The following ABCD2 variants were observed in gnomAD, a reference collection of about 807,000 sequenced individuals.
ABCD2 encodes ATP binding cassette subfamily D member 2, also known as ATP-binding cassette sub-family D member 2.
Under a neutral mutation model 70.9 loss-of-function variants are expected in ABCD2, and 36 were observed. The ratio of observed to expected loss-of-function variants is 0.51; its 90% confidence interval spans 0.39 to 0.67. ABCD2 has a LOEUF of 0.67. ABCD2 is among the 30% of genes least tolerant of loss of function. The pLI is 0.00. For synonymous variants in ABCD2, 304 were observed against 306.9 expected, an observed-to-expected ratio of 0.99 and a Z score of 0.10; for missense variants, 729 against 890.2, an observed-to-expected ratio of 0.82 and a Z score of 2.30.
the ABCD2 span, among the ~76,000 whole-genome samples, chr12:39,537,793 T>C: frequency 1.3e-5 from 2 of 152,238 alleles, no homozygotes; most frequent in African/African-American, 2.4e-5. Context: ...TCCAACCTAT[T>C]GGTAGACCAG....
chr12:39,538,334 AT>A, the ABCD2 span, among the ~76,000 whole-genome samples: 1 of 149,620 alleles, frequency 6.7e-6, no homozygotes. Flanking sequence ...ATGCCTGGAT[AT>A]TTTTTTTATT....
chr12:39,555,002 G>A (rs760398875), intron 9 of ABCD2, among the ~76,000 whole-genome samples: 1 of 151,812 alleles, frequency 6.6e-6, no homozygotes, highest in African/African-American at 2.4e-5. Context: ...ATGATCGGTG[G>A]GCTTTTTTCA....
intron 2 of ABCD2, among the ~76,000 whole-genome samples, chr12:39,613,750 T>TA (rs1942079003): frequency 6.6e-6 from 1 of 152,244 alleles, no homozygotes. Context: ...GCTGGGGCTC[T>TA]AGACCAGATG....
Position 39,604,831 on chromosome 12 carries a change from C to A in ABCD2, c.1336G>T (p.Glu446Ter), listed in dbSNP as rs373930149. The change falls in exon 4 of 10, where the codon GAA becomes TAA. Residue 446 changes from glutamate (E) to a stop codon, truncating the protein, a stop_gained. Coordinates refer to ENST00000308666, the MANE Select transcript of ABCD2 (RefSeq NM_005164.4). LOFTEE classifies it high-confidence loss of function. ...GIYKRTAVIQ[E>*]SESHSKNGAK... ...CCATTCTTGCTATGGCTTTCAGATT[C>A]TTGAATGACAGCAGTTCTCTTATAA... 2 of 1,612,298 alleles carry A rather than the reference C, an allele frequency of 1.2e-6. No individual in the cohort carries two copies. Among genetic ancestry groups the A allele is most frequent in the African/African-American group, 1.3e-5 (1 of 74,830 alleles).
chr12:39,557,963 T>C (rs924300167), intron 9 of ABCD2, among the ~76,000 whole-genome samples: 14 of 152,194 alleles, frequency 9.2e-5, no homozygotes, highest in Admixed American at 5.9e-4. Flanking sequence ...CATTGCCTAG[T>C]GGAGCTGTGA....
At chr12:39,535,646 GAAA>G in the ABCD2 span, among the ~76,000 whole-genome samples, 1 of 152,074 alleles carries the variant, frequency 6.6e-6, no homozygotes, top group African/African-American at 2.4e-5. Context: ...TCAACGAATT[GAAA>G]TTTGTCTGTA....
chr12:39,582,390 TTAAATAATGATATATG>T lies in ABCD2; in HGVS notation c.1793-2787_1793-2772del, dbSNP rs1333725811. ...CTACATCATTGGACTATTATGGATA[TTAAATAATGATATATG>T]TAAATTCCACATAGTAAGCACTCAA... On this transcript the variant is annotated intron_variant, in intron 7 of 9. Transcript: ENST00000308666. 2.0e-5 allele frequency among the ~76,000 whole-genome samples: 3 copies of T among 152,204 alleles called. No homozygotes were observed. The East Asian group carries it at 5.8e-4, about 29-fold the overall frequency.
intron 9 of ABCD2, among the ~76,000 whole-genome samples, chr12:39,572,058 A>G (rs1731553978): frequency 6.6e-6 from 1 of 152,218 alleles, no homozygotes; most frequent in African/African-American, 2.4e-5. Flanking sequence ...GGGTAGCTGC[A>G]ATTAAAAATG....
intron 6 of ABCD2, among the ~76,000 whole-genome samples, chr12:39,588,191 A>G (rs1941692318): frequency 1.3e-5 from 2 of 152,172 alleles, no homozygotes; most frequent in South Asian, 4.1e-4. Context: ...CCCTATCTAC[A>G]TCTGGAACAG....
At chr12:39,562,170 T>C (rs886662756) in intron 9 of ABCD2, among the ~76,000 whole-genome samples, 1 of 152,008 alleles carries the variant, frequency 6.6e-6, no homozygotes, top group Non-Finnish European at 1.5e-5. Flanking sequence ...ACATACCAAA[T>C]CTGTAGAATA....
chr12:39,583,780 G>A (rs181608955), intron 7 of ABCD2, among the ~76,000 whole-genome samples: 13 of 152,214 alleles, frequency 8.5e-5, no homozygotes, highest in Admixed American at 6.5e-4. Context: ...TAAGTATATG[G>A]TTTTCTGTTC....
intron 6 of ABCD2, among the ~76,000 whole-genome samples, chr12:39,598,242 A>G (rs979691685): frequency 3.9e-5 from 6 of 152,210 alleles, no homozygotes; most frequent in African/African-American, 1.4e-4. Context: ...GAAGTCTTTC[A>G]ATCACAAAAA....
chr12:39,534,985 T>C, the ABCD2 span, among the ~76,000 whole-genome samples: 1 of 151,838 alleles, frequency 6.6e-6, no homozygotes. Flanking sequence ...TATCTCGTTG[T>C]CTACCTGGCT....
At chr12:39,585,725 A>G (rs1347339894) in intron 7 of ABCD2, among the ~76,000 whole-genome samples, 5 of 152,166 alleles carry the variant, frequency 3.3e-5, no homozygotes, top group Admixed American at 6.6e-5. Context: ...GAGAGCAAAA[A>G]AAGATACTGG....
chr12:39,558,755 T>C (rs1941207584), intron 9 of ABCD2, among the ~76,000 whole-genome samples: 1 of 152,162 alleles, frequency 6.6e-6, no homozygotes, highest in South Asian at 2.1e-4. Flanking sequence ...CTTTTCTTTA[T>C]AAATTATCCA....
chr12:39,583,588 G>A (rs1221438216), intron 7 of ABCD2, among the ~76,000 whole-genome samples: 2 of 152,046 alleles, frequency 1.3e-5, no homozygotes, highest in East Asian at 1.9e-4. Context: ...CGTTTCATGG[G>A]GATTTGTTGT....
intron 6 of ABCD2, among the ~76,000 whole-genome samples, chr12:39,599,975 C>T (rs1185476116): frequency 6.6e-6 from 1 of 152,116 alleles, no homozygotes; most frequent in African/African-American, 2.4e-5. Context: ...TAGTGTATAA[C>T]TTTGAATTTT....
At chr12:39,597,952 C>G (rs942062693) in intron 6 of ABCD2, among the ~76,000 whole-genome samples, 4 of 152,046 alleles carry the variant, frequency 2.6e-5, no homozygotes, top group African/African-American at 7.2e-5. Flanking sequence ...ATAACACTAG[C>G]TGGGAAAACA....
chr12:39,567,503 T>C (rs961642738), intron 9 of ABCD2, among the ~76,000 whole-genome samples: 2 of 152,184 alleles, frequency 1.3e-5, no homozygotes, highest in Admixed American at 1.3e-4. Context: ...CTCTATCCCT[T>C]TATTTTGAGC....
Sources: allele counts gnomAD v4.1 joint callset (sites outside exome capture counted in the v4.1 genomes callset), GRCh38; gene constraint gnomAD v4.1.1; transcripts MANE v1.5; gene names NCBI Gene and HGNC (gene_info 2026-07-23, HGNC 2026-07-21).